BRINP1: variants seen among roughly 807,000 people sequenced by gnomAD.
BRINP1 encodes the protein BMP/retinoic acid inducible neural specific 1.
In BRINP1, 17 loss-of-function variants were observed where a neutral mutation model predicts 72.9. The observed-to-expected ratio is 0.23, with a 90% CI of 0.16 to 0.35. The LOEUF is 0.35. BRINP1 is among the 10% of genes least tolerant of loss of function. The probability of loss-of-function intolerance (pLI) is 1.00; values close to 1 mark genes in which losing one functional copy is unlikely to be tolerated. For missense variants in BRINP1, 850 were observed against 1,001.6 expected (o/e 0.85, Z 2.04); for synonymous variants, 418 against 378.5 (o/e 1.10, Z -1.21).
intron 7 of BRINP1, among the ~76,000 whole-genome samples, chr9:119,182,172 G>C (rs1829564748): frequency 6.6e-6 from 1 of 152,124 alleles, no homozygotes; most frequent in Non-Finnish European, 1.5e-5. Flanking sequence ...AATCAAAACA[G>C]ATGGCTTGCA....
intron 4 of BRINP1, among the ~76,000 whole-genome samples, chr9:119,239,535 A>G (rs1283632410): frequency 6.6e-6 from 1 of 152,194 alleles, no homozygotes; most frequent in Non-Finnish European, 1.5e-5. Context: ...TTTGCTTCCC[A>G]TTATTTAGGG....
chr9:119,224,637 C>A (rs1357654848), intron 5 of BRINP1, among the ~76,000 whole-genome samples: 1 of 152,050 alleles, frequency 6.6e-6, no homozygotes, highest in Non-Finnish European at 1.5e-5. Flanking sequence ...TGTGCTTTGG[C>A]TCTGCTCCAG....
At chr9:119,308,028 G>A (rs759072102) in intron 2 of BRINP1, among the ~76,000 whole-genome samples, 1 of 152,098 alleles carries the variant, frequency 6.6e-6, no homozygotes, top group Non-Finnish European at 1.5e-5. Flanking sequence ...CAGGATTATT[G>A]TAAGCATCAG....
Position 119,239,761 on chromosome 9 carries a change from T to G in BRINP1, c.580-1001A>C, listed in dbSNP as rs572984193. ...GTCAAGAGATTATATTTTTGAAGGG[T>G]TTAGCACTTCGGGTGCAGTCATATT... On this transcript the variant is annotated intron_variant, in intron 4 of 7. Transcript: ENST00000265922. Among the ~76,000 whole-genome samples, 103 of 152,310 alleles carry G rather than the reference T, an allele frequency of 6.8e-4. No individual in the cohort carries two copies. In the South Asian group the frequency reaches 0.013, roughly 20 times the overall value.
In BRINP1 at chr9:119,243,915, G is replaced by A. The variant is rs560686875; in HGVS notation, c.410-1699C>T. On this transcript the variant is annotated intron_variant, in intron 3 of 7. Coordinates refer to ENST00000265922, the MANE Select transcript of BRINP1 (RefSeq NM_014618.3). ...CAGAATGCAACGCAGACCAGAGAAAGAGTGGGCACCTGCATCCTGTAGATA... is the reference window on the plus strand; with the variant it reads ...CAGAATGCAACGCAGACCAGAGAAAAAGTGGGCACCTGCATCCTGTAGATA... 7.9e-5 allele frequency among the ~76,000 whole-genome samples: 12 copies of A among 152,290 alleles called. 1 individual carries two copies. In the South Asian group the frequency reaches 2.5e-3, roughly 32 times the overall value.
chr9:119,321,210 C>T (rs951847558), intron 1 of BRINP1, among the ~76,000 whole-genome samples: 3 of 152,012 alleles, frequency 2.0e-5, no homozygotes, highest in South Asian at 2.1e-4. Context: ...GGATTACAGG[C>T]GTGAGCCACC....
At chr9:119,280,170 G>A (rs1830694867) in intron 2 of BRINP1, among the ~76,000 whole-genome samples, 2 of 152,084 alleles carry the variant, frequency 1.3e-5, no homozygotes, top group Non-Finnish European at 2.9e-5. Context: ...ATATATGGAT[G>A]TACAATAACA....
At position 119,178,751 on chromosome 9, in the gene BRINP1, C is replaced by A. The variant is rs548833162; in HGVS notation, c.1146-10527G>T. ...AGAAGTGAGATGACTTGTCTGAGAT[C>A]ACAAAATTTGGTATCTGAATGTGGA... On this transcript the variant is annotated intron_variant, in intron 7 of 7. Transcript: ENST00000265922. Among the ~76,000 whole-genome samples, 5 of 152,132 alleles carry A rather than the reference C, an allele frequency of 3.3e-5. No homozygotes were observed. In the South Asian group the frequency reaches 8.3e-4, roughly 25 times the overall value.
At chr9:119,187,869 A>G (rs1829641026) in intron 7 of BRINP1, among the ~76,000 whole-genome samples, 1 of 152,218 alleles carries the variant, frequency 6.6e-6, no homozygotes, top group African/African-American at 2.4e-5. Context: ...ATATCATTAA[A>G]AAGAACCAAA....
intron 1 of BRINP1, among the ~76,000 whole-genome samples, chr9:119,329,055 T>G (rs1037293422): frequency 4.6e-5 from 7 of 152,138 alleles, no homozygotes; most frequent in African/African-American, 1.4e-4. Flanking sequence ...GAGGCAGAAA[T>G]AGATGCCAAA....
chr9:119,326,420 G>C (rs945075063), intron 1 of BRINP1, among the ~76,000 whole-genome samples: 2 of 152,148 alleles, frequency 1.3e-5, no homozygotes, highest in East Asian at 1.9e-4. Flanking sequence ...AGAGAAGTTC[G>C]TGGAAAACTG....
At chr9:119,229,557 A>C (rs1830127538) in intron 5 of BRINP1, among the ~76,000 whole-genome samples, 1 of 152,092 alleles carries the variant, frequency 6.6e-6, no homozygotes, top group Non-Finnish European at 1.5e-5. Context: ...AATGGTCATA[A>C]TGTAGAAGGT....
At chr9:119,174,882 C>CTG (rs1829462532) in intron 7 of BRINP1, among the ~76,000 whole-genome samples, 1 of 150,280 alleles carries the variant, frequency 6.7e-6, no homozygotes, top group African/African-American at 2.5e-5. Context: ...AAACCAAACA[C>CTG]CGCATATTCT....
chr9:119,286,779 G>A (rs189360344), intron 2 of BRINP1, among the ~76,000 whole-genome samples: 3 of 152,282 alleles, frequency 2.0e-5, no homozygotes, highest in African/African-American at 4.8e-5. Flanking sequence ...ACAAGAGGAC[G>A]GGGGAACTCA....
intron 1 of BRINP1, among the ~76,000 whole-genome samples, chr9:119,334,901 C>G (rs1379532699): frequency 6.6e-6 from 1 of 152,052 alleles, no homozygotes; most frequent in African/African-American, 2.4e-5. Flanking sequence ...TTTGATTTGT[C>G]TAAGCCTTAG....
intron 3 of BRINP1, 23 bp from the exon 4 acceptor site, chr9:119,242,239 T>C (rs745598272): frequency 1.2e-6 from 2 of 1,609,952 alleles, no homozygotes; most frequent in South Asian, 1.1e-5. Flanking sequence ...GAAAAGTAGA[T>C]AAGAAGGTTT....
chr9:119,341,787 G>A lies in BRINP1; in HGVS notation c.-51+27269C>T, dbSNP rs146203944. On this transcript the variant is annotated intron_variant, in intron 1 of 7. Coordinates refer to ENST00000265922, the MANE Select transcript of BRINP1 (RefSeq NM_014618.3). The stretch of plus-strand genomic sequence containing the variant: ...GTATTATTATTATTATTATTGAGAC[G>A]GAGTCTCACTCTATCACGTATGTTG... Among the ~76,000 whole-genome samples the A allele has an allele frequency of 8.9e-4, 136 of 151,990 alleles. 5 individuals carry two copies. The East Asian group carries it at 0.025, about 28-fold the overall frequency.
At chr9:119,186,085 C>A (rs1001795194) in intron 7 of BRINP1, among the ~76,000 whole-genome samples, 1 of 152,132 alleles carries the variant, frequency 6.6e-6, no homozygotes, top group African/African-American at 2.4e-5. Flanking sequence ...TTGCTGTGCC[C>A]TGCTCCTGGC....
chr9:119,284,441 C>T (rs1485054778), intron 2 of BRINP1, among the ~76,000 whole-genome samples: 1 of 152,144 alleles, frequency 6.6e-6, no homozygotes, highest in Non-Finnish European at 1.5e-5. Flanking sequence ...CTTTAGGAGC[C>T]TCATTTTAAA....
Sources: gnomAD v4.1 joint callset for allele counts (sites outside exome capture counted in the v4.1 genomes callset) on GRCh38, gnomAD v4.1.1 for gene constraint, MANE v1.5 for transcripts, NCBI Gene and HGNC (gene_info 2026-07-23, HGNC 2026-07-21) for gene names.